Variants in SVOPL observed in about 807,000 individuals in gnomAD.
SVOPL encodes the protein putative transporter SVOPL.
SVOPL carries 60 observed loss-of-function variants against 61.0 expected under a neutral mutation model. The observed-to-expected ratio is 0.98, with a 90% CI of 0.80 to 1.22. The LOEUF (loss-of-function observed/expected upper bound fraction) is 1.22, where lower values mean the gene tolerates loss of function less well. Among genes scored for constraint, SVOPL ranks in the 50% most tolerant of loss-of-function variants. The pLI is 0.00. For synonymous variants in SVOPL, 279 were observed against 250.0 expected (o/e 1.12, Z -1.09); for missense variants, 662 against 643.9 (o/e 1.03, Z -0.30).
At chr7:138,647,667 G>A (rs1801186667) in intron 8 of SVOPL, among the ~76,000 whole-genome samples, 1 of 151,752 alleles carries the variant, frequency 6.6e-6, no homozygotes, top group African/African-American at 2.4e-5. Flanking sequence ...TGGCCAACAT[G>A]GTGAAACCCC....
At chr7:138,675,902 A>T (rs1259781588) in intron 3 of SVOPL, among the ~76,000 whole-genome samples, 4 of 151,894 alleles carry the variant, frequency 2.6e-5, no homozygotes, top group African/African-American at 7.3e-5. Flanking sequence ...GCAGTGACGC[A>T]ATCTAAGCCC....
Position 138,623,028 on chromosome 7 carries a change from C to A in SVOPL, c.1264-1893G>T, listed in dbSNP as rs549360785. Reference sequence around the variant, plus strand: ...TATAGCCCCCTTTAGTTGCCCACATCTTTGCCACCATCTGTCAAATGCAAA... The same window carrying A: ...TATAGCCCCCTTTAGTTGCCCACATATTTGCCACCATCTGTCAAATGCAAA... On this transcript the variant is annotated intron_variant, in intron 13 of 15. Coordinates refer to ENST00000674285, the MANE Select transcript of SVOPL (RefSeq NM_001139456.2). Among the ~76,000 whole-genome samples, 52 of 152,320 alleles carry A rather than the reference C, an allele frequency of 3.4e-4. No individual in the cohort carries two copies. The South Asian group carries it at 0.011, about 31-fold the overall frequency.
At chr7:138,649,598 G>A (rs979158633) in intron 7 of SVOPL, among the ~76,000 whole-genome samples, 2 of 151,808 alleles carry the variant, frequency 1.3e-5, no homozygotes, top group African/African-American at 2.4e-5. Context: ...AGCCTAGCCC[G>A]GGGTGACTAT....
At chr7:138,675,180 T>G (rs1007453567) in intron 3 of SVOPL, among the ~76,000 whole-genome samples, 4 of 151,192 alleles carry the variant, frequency 2.6e-5, no homozygotes, top group African/African-American at 9.7e-5. Flanking sequence ...GTGGGAGGAT[T>G]GCTTGAGCTG....
intron 8 of SVOPL, among the ~76,000 whole-genome samples, chr7:138,648,300 C>T (rs957114960): frequency 2.0e-5 from 3 of 151,884 alleles, no homozygotes; most frequent in Non-Finnish European, 2.9e-5. Context: ...ACAGACTCCT[C>T]AATAAAGGTA....
At chr7:138,667,216 T>C (rs953658273) in intron 4 of SVOPL, among the ~76,000 whole-genome samples, 1 of 152,186 alleles carries the variant, frequency 6.6e-6, no homozygotes, top group Non-Finnish European at 1.5e-5. Flanking sequence ...ACACTAGCCA[T>C]CCTTGAATAG....
intron 4 of SVOPL, among the ~76,000 whole-genome samples, chr7:138,670,983 T>C (rs1036664343): frequency 1.3e-5 from 2 of 152,226 alleles, no homozygotes; most frequent in African/African-American, 4.8e-5. Context: ...ACCCATTTAA[T>C]CAGAAATATA....
intron 13 of SVOPL, among the ~76,000 whole-genome samples, chr7:138,624,689 C>A (rs1393940017): frequency 7.2e-6 from 1 of 138,170 alleles, no homozygotes; most frequent in African/African-American, 2.6e-5. Flanking sequence ...GCCCTAGAAC[C>A]AAACTTTTTT....
chr7:138,690,735 T>A (rs1245846668), intron 1 of SVOPL, among the ~76,000 whole-genome samples: 1 of 151,956 alleles, frequency 6.6e-6, no homozygotes, highest in Non-Finnish European at 1.5e-5. Flanking sequence ...CTTGTGAACA[T>A]ACTCAAGATC....
chr7:138,619,855 G>A (rs1799472373), intron 14 of SVOPL, among the ~76,000 whole-genome samples: 1 of 152,104 alleles, frequency 6.6e-6, no homozygotes, highest in African/African-American at 2.4e-5. Context: ...TCTTCCAGAG[G>A]CCAGAGCGAA....
chr7:138,638,272 CAAAAAAA>C (rs56000217), intron 9 of SVOPL, among the ~76,000 whole-genome samples: 1 of 95,808 alleles, frequency 1.0e-5, no homozygotes, highest in Non-Finnish European at 2.1e-5. Context: ...GACTCCACCT[CAAAAAAA>C]AAAAAAAAAA....
Position 138,627,461 on chromosome 7 carries a change from A to G in SVOPL, c.1070T>C (p.Leu357Ser), listed in dbSNP as rs760493974. ...GATGCCCAGTATATTTAAAGGATTC[A>G]CTAGAAAGCAAACAGTAAAGATAAT... ...MIISTIGEIA[L>S]NPLNILGINF... Residue 357 changes from leucine (L) to serine (S), a missense_variant and splice_region_variant, in exon 12 of 16, where the codon TTG becomes TCG. Coordinates refer to ENST00000674285, the MANE Select transcript of SVOPL (RefSeq NM_001139456.2). 3.3e-5 allele frequency: 53 copies of G among 1,609,070 alleles called. No homozygotes were observed. Among genetic ancestry groups the G allele is most frequent in the Non-Finnish European group, 4.2e-5 (49 of 1,175,708 alleles).
At chr7:138,627,286 A>G in intron 12 of SVOPL, 64 bp downstream of exon 12, 4 of 1,243,830 alleles carry the variant, frequency 3.2e-6, no homozygotes, top group East Asian at 2.4e-5. Context: ...ACTGAACACC[A>G]TGGGTCAGGA....
chr7:138,645,298 C>G (rs1425177307), intron 8 of SVOPL, among the ~76,000 whole-genome samples: 1 of 152,150 alleles, frequency 6.6e-6, no homozygotes, highest in African/African-American at 2.4e-5. Context: ...GCTCTCAACC[C>G]ACTGAATACT....
At chr7:138,685,449 A>G (rs1313956316) in intron 1 of SVOPL, among the ~76,000 whole-genome samples, 2 of 152,176 alleles carry the variant, frequency 1.3e-5, no homozygotes, top group Non-Finnish European at 2.9e-5. Context: ...GGAAGGGGGA[A>G]CAGGGAAGTA....
chr7:138,619,070 A>C (rs1176550929), intron 14 of SVOPL, among the ~76,000 whole-genome samples: 4 of 152,150 alleles, frequency 2.6e-5, no homozygotes, highest in Admixed American at 2.0e-4. Flanking sequence ...GAAAGCTTGG[A>C]AAATGAACTA....
intron 8 of SVOPL, among the ~76,000 whole-genome samples, chr7:138,648,571 G>T (rs537964988): frequency 2.0e-5 from 3 of 151,390 alleles, no homozygotes; most frequent in East Asian, 3.9e-4. Context: ...AGTCAGGCGC[G>T]GTGGTGGGCG....
intron 7 of SVOPL, among the ~76,000 whole-genome samples, chr7:138,653,593 G>A (rs889784056): frequency 1.2e-4 from 18 of 152,164 alleles, no homozygotes; most frequent in Admixed American, 5.9e-4. Context: ...CTTGAGGCCA[G>A]GAGTTCAAGA....
At chr7:138,605,640 C>CAAAAA (rs1159063438) in intron 14 of SVOPL, among the ~76,000 whole-genome samples, 20 of 84,222 alleles carry the variant, frequency 2.4e-4, no homozygotes, top group East Asian at 3.5e-4. Flanking sequence ...CTAACCTGGG[C>CAAAAA]AAAAAAAAAA....
Sources: allele counts gnomAD v4.1 joint callset (sites outside exome capture counted in the v4.1 genomes callset), GRCh38; gene constraint gnomAD v4.1.1; transcripts MANE v1.5; gene names NCBI Gene and HGNC (gene_info 2026-07-23, HGNC 2026-07-21).